ANO3: variants seen among roughly 807,000 people sequenced by gnomAD.
ANO3 encodes the protein anoctamin 3, also known as anoctamin-3.
In ANO3, 99 loss-of-function variants were observed where a neutral mutation model predicts 144.8. That is an observed-to-expected ratio of 0.68 (90% CI 0.58 to 0.81). The LOEUF is 0.81. Among genes scored for constraint, ANO3 ranks in the 30% least tolerant of loss-of-function variants. The pLI, the probability that ANO3 is intolerant of heterozygous loss-of-function variation, is 0.00. For synonymous variants in ANO3, 414 were observed against 392.6 expected (o/e 1.05, Z -0.64); for missense variants, 905 against 1,202.2 (o/e 0.75, Z 3.66).
intron 1 of ANO3, among the ~76,000 whole-genome samples, chr11:26,241,890 C>T (rs534222187): frequency 3.3e-5 from 5 of 152,180 alleles, no homozygotes; most frequent in South Asian, 2.1e-4. Flanking sequence ...AATTACTCTG[C>T]TAAAATCAGT....
At chr11:26,580,182 G>C (rs942819096) in intron 14 of ANO3, among the ~76,000 whole-genome samples, 3 of 151,836 alleles carry the variant, frequency 2.0e-5, no homozygotes, top group Non-Finnish European at 4.4e-5. Context: ...ACACATCTCT[G>C]TAATGCTTTT....
chr11:26,200,156 G>A (rs930176428), intron 1 of ANO3, among the ~76,000 whole-genome samples: 22 of 152,152 alleles, frequency 1.4e-4, no homozygotes, highest in African/African-American at 5.3e-4. Flanking sequence ...AGCCGAGATT[G>A]CTTTTACTGT....
intron 1 of ANO3, among the ~76,000 whole-genome samples, chr11:26,424,254 CA>C (rs746529186): frequency 0.11 from 14,582 of 138,306 alleles, 1,220 homozygotes; most frequent in African/African-American, 0.25. Flanking sequence ...TCTCCCCCCC[CA>C]CACACACACA....
intron 14 of ANO3, among the ~76,000 whole-genome samples, chr11:26,593,591 G>C (rs906040867): frequency 1.3e-5 from 2 of 152,204 alleles, no homozygotes; most frequent in Non-Finnish European, 1.5e-5. Flanking sequence ...GGCACCCTCA[G>C]TCCTGCTGCT....
intron 1 of ANO3, among the ~76,000 whole-genome samples, chr11:26,201,164 AT>A (rs1851685215): frequency 6.6e-6 from 1 of 152,166 alleles, no homozygotes; most frequent in Non-Finnish European, 1.5e-5. Flanking sequence ...CAAGCTTAAC[AT>A]CTTTTCAGTA....
chr11:26,462,301 T>A (rs1035984546), intron 3 of ANO3, among the ~76,000 whole-genome samples: 4 of 151,910 alleles, frequency 2.6e-5, no homozygotes, highest in African/African-American at 9.7e-5. Flanking sequence ...TGCAGAGATA[T>A]TTATATCACA....
At chr11:26,297,708 G>A (rs777790768) in intron 1 of ANO3, among the ~76,000 whole-genome samples, 1 of 152,080 alleles carries the variant, frequency 6.6e-6, no homozygotes, top group Admixed American at 6.6e-5. Context: ...CTACTACAAA[G>A]GGAAAGGCAA....
intron 1 of ANO3, among the ~76,000 whole-genome samples, chr11:26,429,273 A>G (rs547509462): frequency 4.6e-5 from 7 of 152,150 alleles, no homozygotes; most frequent in Admixed American, 2.6e-4. Context: ...CAGCAAACAC[A>G]CTGGAACCAG....
chr11:26,322,591 T>C (rs1854787139), intron 1 of ANO3, among the ~76,000 whole-genome samples: 1 of 152,154 alleles, frequency 6.6e-6, no homozygotes, highest in African/African-American at 2.4e-5. Flanking sequence ...CCTCTAATAG[T>C]ATTTCTTATG....
chr11:26,303,523 A>T (rs1470311881), intron 1 of ANO3, among the ~76,000 whole-genome samples: 1 of 152,138 alleles, frequency 6.6e-6, no homozygotes, highest in Admixed American at 6.6e-5. Flanking sequence ...AGATGGAAAC[A>T]ATAGACACTG....
At chr11:26,394,632 C>T (rs1856963099) in intron 1 of ANO3, among the ~76,000 whole-genome samples, 1 of 139,356 alleles carries the variant, frequency 7.2e-6, no homozygotes, top group Non-Finnish European at 1.5e-5. Context: ...GACCGGAATA[C>T]AGTGGCGTGA....
chr11:26,502,849 G>GAAAAAA (rs397941347), intron 4 of ANO3, among the ~76,000 whole-genome samples: 4 of 77,746 alleles, frequency 5.1e-5, no homozygotes, highest in African/African-American at 4.6e-5. Context: ...AACATTCAGG[G>GAAAAAA]AAAAAAAAAA....
chr11:26,248,637 C>T (rs1852853537), intron 1 of ANO3, among the ~76,000 whole-genome samples: 1 of 152,200 alleles, frequency 6.6e-6, no homozygotes, highest in African/African-American at 2.4e-5. Flanking sequence ...ATTATGTATG[C>T]AGATGTTTAT....
chr11:26,205,132 A>G (rs916253792), intron 1 of ANO3, among the ~76,000 whole-genome samples: 1 of 152,150 alleles, frequency 6.6e-6, no homozygotes, highest in Non-Finnish European at 1.5e-5. Context: ...CAGCATGGGA[A>G]AAACCACCCC....
rs79278457 is a variant in ANO3, at chr11:26,196,114, A to G, written c.154+6784A>G. ...TCTGAAAACCAAAAAAGTCTAACAA[A>G]TACTCATATTACCCTGAGTTTTCTA... is the stretch of plus-strand genomic sequence containing the variant. On this transcript the variant is annotated intron_variant, in intron 1 of 27. Coordinates refer to the ANO3 transcript ENST00000672621. Among the ~76,000 whole-genome samples the G allele has an allele frequency of 3.5e-3, 536 of 152,260 alleles. 26 individuals are homozygous for G. In the East Asian group the frequency reaches 0.092, roughly 26 times the overall value.
chr11:26,577,421 G>A (rs1851015691), intron 14 of ANO3, among the ~76,000 whole-genome samples: 1 of 152,118 alleles, frequency 6.6e-6, no homozygotes, highest in Non-Finnish European at 1.5e-5. Context: ...GAGGTAGCTG[G>A]GCATGGTGGC....
chr11:26,652,433 A>G (rs886239469), intron 24 of ANO3, among the ~76,000 whole-genome samples: 2 of 152,094 alleles, frequency 1.3e-5, no homozygotes, highest in African/African-American at 4.8e-5. Context: ...TATGTGTCCC[A>G]TGTAGCCTGC....
At chr11:26,425,443 T>A (rs1196734913) in intron 1 of ANO3, among the ~76,000 whole-genome samples, 1 of 152,042 alleles carries the variant, frequency 6.6e-6, no homozygotes, top group African/African-American at 2.4e-5. Flanking sequence ...AATTTCAGTT[T>A]ACTCATAAAG....
intron 1 of ANO3, among the ~76,000 whole-genome samples, chr11:26,234,592 T>C (rs773392679): frequency 1.1e-4 from 16 of 152,160 alleles, no homozygotes; most frequent in Non-Finnish European, 2.1e-4. Context: ...AAATAGTGAG[T>C]ATACATGTAT....
Sources: gnomAD v4.1 joint callset for allele counts (sites outside exome capture counted in the v4.1 genomes callset) on GRCh38, gnomAD v4.1.1 for gene constraint, MANE v1.5 for transcripts, NCBI Gene and HGNC (gene_info 2026-07-23, HGNC 2026-07-21) for gene names.